Variants in ZBTB40 observed in about 807,000 individuals in gnomAD.
The protein encoded by ZBTB40 is zinc finger and BTB domain containing 40.
In ZBTB40, 60 loss-of-function variants were observed where a neutral mutation model predicts 117.5. The observed-to-expected ratio is 0.51, with a 90% CI of 0.41 to 0.63. ZBTB40 has a LOEUF of 0.63. Ranked by LOEUF, ZBTB40 falls within the 30% of genes least tolerant of loss-of-function variation. The pLI, the probability that ZBTB40 is intolerant of heterozygous loss-of-function variation, is 0.00. For missense variants in ZBTB40, 1,287 were observed against 1,498.5 expected (o/e 0.86, Z 2.33); for synonymous variants, 525 against 577.1 (o/e 0.91, Z 1.29).
rs373443117 is a variant in ZBTB40 at position 22,486,150 on chromosome 1, T to C, written c.-69-3730T>C. 3.9e-5 allele frequency among the ~76,000 whole-genome samples: 6 copies of C among 152,358 alleles called. No homozygotes were observed. The East Asian group carries it at 9.6e-4, about 24-fold the overall frequency. ...ATTTTTTGTTGAAAGGTGGACATGA[T>C]GTACTGCATAAAAGGAACTGCTATA... On this transcript the variant is annotated intron_variant, in intron 1 of 17. Transcript: ENST00000375647.
chr1:22,520,050 C>T lies in ZBTB40; in HGVS notation c.2834-11C>T, dbSNP rs766855920. 61 of 1,612,688 alleles carry T rather than the reference C, an allele frequency of 3.8e-5. No individual in the cohort carries two copies. The highest frequency in any genetic ancestry group is 2.8e-4 in the Admixed American group (17 of 59,998). ...CCACCTCTTCCTCTCATGGATGTCC[C>T]GTGAAACTAGACATAGAAGATCCTT... On this transcript the variant is annotated splice_polypyrimidine_tract_variant and intron_variant, in intron 13 of 17. Coordinates refer to ENST00000375647, the MANE Select transcript of ZBTB40 (RefSeq NM_014870.4).
chr1:22,443,945 T>G (rs1640760750), intron 1 of ZBTB40, among the ~76,000 whole-genome samples: 1 of 152,196 alleles, frequency 6.6e-6, no homozygotes, highest in South Asian at 2.1e-4. Flanking sequence ...TCCCTTCCCA[T>G]CATGGCTTGA....
chr1:22,468,863 A>G (rs187533459), intron 1 of ZBTB40, among the ~76,000 whole-genome samples: 1 of 151,810 alleles, frequency 6.6e-6, no homozygotes, highest in East Asian at 1.9e-4. Context: ...GTCTTGCTCT[A>G]TCACTCAGGC....
At chr1:22,467,152 A>G (rs140717151) in intron 1 of ZBTB40, among the ~76,000 whole-genome samples, 2 of 152,294 alleles carry the variant, frequency 1.3e-5, no homozygotes, top group African/African-American at 4.8e-5. Flanking sequence ...ATAGATTCCT[A>G]GAAGTGATTC....
intron 3 of ZBTB40, among the ~76,000 whole-genome samples, chr1:22,493,955 G>C (rs1002390824): frequency 6.6e-6 from 1 of 151,988 alleles, no homozygotes; most frequent in African/African-American, 2.4e-5. Context: ...ACTTTAGGCA[G>C]CTTCATCTTT....
intron 1 of ZBTB40, among the ~76,000 whole-genome samples, chr1:22,429,573 C>A (rs951606823): frequency 6.6e-6 from 1 of 152,108 alleles, no homozygotes; most frequent in African/African-American, 2.4e-5. Flanking sequence ...CATTTTTCTT[C>A]CCTGAACTGT....
intron 3 of ZBTB40, among the ~76,000 whole-genome samples, chr1:22,500,498 G>A (rs975292459): frequency 4.6e-5 from 7 of 152,356 alleles, no homozygotes; most frequent in African/African-American, 1.4e-4. Context: ...GAGACCAGTC[G>A]TAGGTGCTGT....
chr1:22,490,377 G>A lies in ZBTB40; in HGVS notation c.429G>A (p.Lys143=). 3 of 1,613,982 alleles carry A rather than the reference G, an allele frequency of 1.9e-6. No individual in the cohort carries two copies. The highest frequency in any genetic ancestry group is 1.1e-5 in the South Asian group (1 of 91,080). Residue 143 remains lysine (K), a synonymous_variant, in exon 2 of 18, where the codon AAG becomes AAA. Transcript: ENST00000375647. ...SSETFRKEPE[K]PQVEILSSEG... is the part of the protein sequence containing the mutation. ...AGACATTCAGAAAGGAACCAGAGAA[G>A]CCTCAAGTAGAAATCCTTTCATCTG...
intron 3 of ZBTB40, among the ~76,000 whole-genome samples, chr1:22,498,361 A>G (rs1638838147): frequency 1.3e-5 from 2 of 152,334 alleles, no homozygotes; most frequent in Non-Finnish European, 1.5e-5. Flanking sequence ...AGGCAGAGAA[A>G]CTGTTGCAGA....
intron 1 of ZBTB40, among the ~76,000 whole-genome samples, chr1:22,486,871 G>T (rs1451901352): frequency 6.6e-6 from 1 of 152,162 alleles, no homozygotes; most frequent in East Asian, 1.9e-4. Flanking sequence ...AATAGCTGGG[G>T]TTCCAGGTGC....
At chr1:22,462,563 G>C (rs1569779712) in intron 1 of ZBTB40, among the ~76,000 whole-genome samples, 1 of 152,164 alleles carries the variant, frequency 6.6e-6, no homozygotes, top group Non-Finnish European at 1.5e-5. Flanking sequence ...TAAGCCATAG[G>C]TAACGGGAAG....
chr1:22,524,285 T>G lies in ZBTB40; in HGVS notation c.3366T>G (p.His1122Gln), dbSNP rs1299967882. 4 of 1,614,082 alleles carry G rather than the reference T, an allele frequency of 2.5e-6. No individual in the cohort carries two copies. The highest frequency in any genetic ancestry group is 3.4e-6 in the Non-Finnish European group (4 of 1,180,044). Residue 1122 changes from histidine (H) to glutamine (Q), a missense_variant, in exon 17 of 18, where the codon CAT (histidine) becomes CAG (glutamine). Physicochemically the swap from His to Gln is conservative, Grantham distance 24. Transcript: ENST00000375647. The stretch of plus-strand genomic sequence containing the variant: ...GTTTTCCTGGAGCATTGCAGCACCA[T>G]GTCACCACGGAGCACTTCAAGCAGT... ...TFRFPGALQH[H>Q]VTTEHFKQSE...
In ZBTB40 at chr1:22,474,446, C is replaced by G. The variant is rs149905981; in HGVS notation, c.-69-15434C>G. ...TTGAGAAATCTGGGCCTACTAAAAG[C>G]TACAGTCACCCTTTCCTAACCTTAC... On this transcript the variant is annotated intron_variant, in intron 1 of 17. Transcript: ENST00000375647. Among the ~76,000 whole-genome samples the G allele has an allele frequency of 4.6e-4, 70 of 152,296 alleles. 1 individual carries two copies. In the East Asian group the frequency reaches 0.012, roughly 26 times the overall value.
chr1:22,432,471 C>T (rs1332518466), intron 1 of ZBTB40, among the ~76,000 whole-genome samples: 1 of 152,214 alleles, frequency 6.6e-6, no homozygotes, highest in African/African-American at 2.4e-5. Context: ...CCAAATGTGT[C>T]ACTTCTATTT....
At chr1:22,524,691 G>A (rs1639628940) in intron 17 of ZBTB40, among the ~76,000 whole-genome samples, 1 of 152,234 alleles carries the variant, frequency 6.6e-6, no homozygotes, top group Non-Finnish European at 1.5e-5. Context: ...TCCTCCCAGT[G>A]CATACGTCCC....
chr1:22,471,587 G>A (rs1393369742), intron 1 of ZBTB40, among the ~76,000 whole-genome samples: 1 of 152,238 alleles, frequency 6.6e-6, no homozygotes, highest in Non-Finnish European at 1.5e-5. Context: ...TTAGCACAAT[G>A]CCAGACATTA....
chr1:22,486,750 T>C (rs1293841633), intron 1 of ZBTB40, among the ~76,000 whole-genome samples: 1 of 142,424 alleles, frequency 7.0e-6, no homozygotes, highest in Non-Finnish European at 1.5e-5. Flanking sequence ...TTGTTTTGTT[T>C]TTTGAGACGG....
At chr1:22,445,064 CAT>C (rs1640772243) in intron 1 of ZBTB40, among the ~76,000 whole-genome samples, 1 of 152,058 alleles carries the variant, frequency 6.6e-6, no homozygotes, top group Non-Finnish European at 1.5e-5. Flanking sequence ...TTAGTGCTAA[CAT>C]ACTTTGGTGC....
At chr1:22,434,406 C>T (rs901997228) in intron 1 of ZBTB40, among the ~76,000 whole-genome samples, 2 of 152,100 alleles carry the variant, frequency 1.3e-5, no homozygotes, top group Middle Eastern at 3.4e-3. Context: ...TTGTTATTTG[C>T]GTTTAGACTT....
Sources: allele counts gnomAD v4.1 joint callset (sites outside exome capture counted in the v4.1 genomes callset), GRCh38; gene constraint gnomAD v4.1.1; transcripts MANE v1.5; gene names NCBI Gene and HGNC (gene_info 2026-07-23, HGNC 2026-07-21).